DHX30: variants seen among roughly 807,000 people sequenced by gnomAD.
DHX30 encodes DExH-box helicase 30, also known as ATP-dependent RNA helicase DHX30.
Under a neutral mutation model 116.9 loss-of-function variants are expected in DHX30, and 4 were observed. That is an observed-to-expected ratio of 0.03 (90% CI 0.02 to 0.08). The LOEUF (loss-of-function observed/expected upper bound fraction) is 0.08, where lower values mean the gene tolerates loss of function less well. DHX30 is among the 10% of genes least tolerant of loss of function. The probability of loss-of-function intolerance (pLI) is 1.00; values close to 1 mark genes in which losing one functional copy is unlikely to be tolerated. For missense variants in DHX30, 871 were observed against 1,595.1 expected (o/e 0.55, Z 7.73); for synonymous variants, 697 against 651.7 (o/e 1.07, Z -1.06).
chr3:47,839,372 G>A (rs759303590), intron 6 of DHX30, among the ~76,000 whole-genome samples: 15 of 141,148 alleles, frequency 1.1e-4, no homozygotes, highest in African/African-American at 3.2e-4. Flanking sequence ...TCAGCTCACC[G>A]CAACCTCTGC....
At chr3:47,805,458 C>T (rs1261096604) in intron 2 of DHX30, 38 bp downstream of exon 2, 2 of 398,882 alleles carry the variant, frequency 5.0e-6, no homozygotes, top group Non-Finnish European at 8.8e-6. Context: ...AGTGGTGGAT[C>T]TGATGCTCAG....
Sources: allele counts gnomAD v4.1 joint callset (sites outside exome capture counted in the v4.1 genomes callset), GRCh38; gene constraint gnomAD v4.1.1; transcripts MANE v1.5; gene names NCBI Gene and HGNC (gene_info 2026-07-23, HGNC 2026-07-21).